PIK3C2A: variants seen among roughly 807,000 people sequenced by gnomAD.
PIK3C2A encodes phosphatidylinositol 4-phosphate 3-kinase C2 domain-containing subunit alpha.
In PIK3C2A, 97 loss-of-function variants were observed where a neutral mutation model predicts 204.5. That is an observed-to-expected ratio of 0.47 (90% CI 0.40 to 0.56). The LOEUF is 0.56. PIK3C2A is among the 20% of genes least tolerant of loss of function. The pLI is 0.00. For missense variants in PIK3C2A, 1,735 were observed against 1,969.2 expected (o/e 0.88, Z 2.25); for synonymous variants, 653 against 664.4 (o/e 0.98, Z 0.26).
intron 26 of PIK3C2A, among the ~76,000 whole-genome samples, chr11:17,098,556 A>G (rs1387269584): frequency 6.6e-6 from 1 of 152,224 alleles, no homozygotes; most frequent in East Asian, 1.9e-4. Flanking sequence ...AAGCAGGCAG[A>G]CGAATACATG....
At chr11:17,163,634 G>GA (rs1444752890) in intron 2 of PIK3C2A, among the ~76,000 whole-genome samples, 1 of 151,456 alleles carries the variant, frequency 6.6e-6, no homozygotes, top group Non-Finnish European at 1.5e-5. Flanking sequence ...GATTGGTCTC[G>GA]AATTCTTGGC....
intron 22 of PIK3C2A, among the ~76,000 whole-genome samples, chr11:17,106,377 G>C (rs193193243): frequency 6.6e-6 from 1 of 151,678 alleles, no homozygotes; most frequent in Non-Finnish European, 1.5e-5. Context: ...ACACCACTGC[G>C]CTCCAGCCTG....
At chr11:17,162,783 T>C (rs1850819909) in intron 2 of PIK3C2A, among the ~76,000 whole-genome samples, 1 of 152,204 alleles carries the variant, frequency 6.6e-6, no homozygotes, top group South Asian at 2.1e-4. Context: ...GATCTCTTCT[T>C]TGCTGAATTA....
chr11:17,143,898 C>T (rs961573483), intron 8 of PIK3C2A, among the ~76,000 whole-genome samples: 1 of 152,084 alleles, frequency 6.6e-6, no homozygotes, highest in Admixed American at 6.5e-5. Flanking sequence ...GATCACATCA[C>T]TGAATTCCAG....
At chr11:17,109,678 C>G (rs1341868807) in intron 22 of PIK3C2A, among the ~76,000 whole-genome samples, 4 of 152,048 alleles carry the variant, frequency 2.6e-5, no homozygotes, top group Non-Finnish European at 5.9e-5. Flanking sequence ...ATCCTCTCAC[C>G]CCATCCTCCA....
At chr11:17,148,404 A>C (rs923284849) in intron 5 of PIK3C2A, 1 of 361,040 alleles carries the variant, frequency 2.8e-6, no homozygotes, top group Non-Finnish European at 5.1e-6. Context: ...ATCACTTATT[A>C]ACCAACTGCC....
rs1298154545 is a variant in PIK3C2A at position 17,095,952 on chromosome 11, T to C, written c.4326+1105A>G. On this transcript the variant is annotated intron_variant, in intron 27 of 32. Transcript: ENST00000691414. ...TAAAATAAAATAACATAACATAAAA[T>C]AAAATAAAAATAAATAAAAAGTCAG... Among the ~76,000 whole-genome samples the C allele has an allele frequency of 4.7e-5, 7 of 150,304 alleles. No homozygotes were observed. In the East Asian group the frequency reaches 1.4e-3, roughly 29 times the overall value.
Position 17,122,029 on chromosome 11 carries a change from A to T in PIK3C2A, c.2657+159T>A, listed in dbSNP as rs77774534. Reference sequence around the variant, plus strand: ...CGAGACAAAAGTTTTGTAGATTATTAAAAAAAAAAAAAAGGAAAAAAAGTA... The same window carrying T: ...CGAGACAAAAGTTTTGTAGATTATTTAAAAAAAAAAAAAGGAAAAAAAGTA... On this transcript the variant is annotated intron_variant, in intron 15 of 32. Transcript: ENST00000691414. Among the ~76,000 whole-genome samples, 8 of 140,996 alleles carry T rather than the reference A, an allele frequency of 5.7e-5. No homozygotes were observed. In the South Asian group the frequency reaches 8.9e-4, roughly 16 times the overall value. The allele number at this position is 140,996 out of a possible 152,430, so 92.5% of individuals were successfully genotyped here. A position where few individuals can be genotyped will look rare whatever the true frequency, so the allele number is the denominator to read the frequency against.
chr11:17,114,702 A>G (rs986565723), intron 19 of PIK3C2A, among the ~76,000 whole-genome samples: 45 of 152,272 alleles, frequency 3.0e-4, no homozygotes, highest in African/African-American at 1.0e-3. Context: ...GCTCACTAAT[A>G]GTCAAAGAAA....
chr11:17,124,021 T>C (rs568905907), intron 13 of PIK3C2A, among the ~76,000 whole-genome samples: 5 of 152,012 alleles, frequency 3.3e-5, no homozygotes, highest in Non-Finnish European at 7.4e-5. Context: ...GAATCTTTGA[T>C]ACCTTATAAT....
chr11:17,190,805 A>C (rs1425471397), intron 1 of PIK3C2A, among the ~76,000 whole-genome samples: 1 of 152,128 alleles, frequency 6.6e-6, no homozygotes, highest in Non-Finnish European at 1.5e-5. Flanking sequence ...AGAGAAAAAG[A>C]GGGGGAAGGG....
chr11:17,147,981 G>A (rs919441723), intron 5 of PIK3C2A, among the ~76,000 whole-genome samples: 1 of 152,142 alleles, frequency 6.6e-6, no homozygotes, highest in Admixed American at 6.5e-5. Flanking sequence ...ACTTTGGGAG[G>A]CCGAGGCGGG....
rs368485641 is a variant in PIK3C2A, at chr11:17,198,745, T to C, written c.-66+9103A>G. Among the ~76,000 whole-genome samples the C allele has an allele frequency of 6.6e-5, 10 of 152,026 alleles. No individual in the cohort carries two copies. In the East Asian group the frequency reaches 7.8e-4, roughly 12 times the overall value. The stretch of plus-strand genomic sequence containing the variant: ...AGGTCAAGGCTATACTGCATTACGA[T>C]TGTCTCTGCGAATAGCCATTGTATC... On this transcript the variant is annotated intron_variant, in intron 1 of 32. Coordinates refer to ENST00000691414, the MANE Select transcript of PIK3C2A (RefSeq NM_002645.4).
intron 13 of PIK3C2A, among the ~76,000 whole-genome samples, chr11:17,127,778 G>A (rs1192031179): frequency 6.6e-6 from 1 of 152,010 alleles, no homozygotes; most frequent in African/African-American, 2.4e-5. Flanking sequence ...TTCATTCTCG[G>A]TATTTGTTTT....
Position 17,169,535 on chromosome 11 carries a change from G to T in PIK3C2A, c.207C>A (p.Asn69Lys). 1 of 1,614,058 alleles carries T rather than the reference G, an allele frequency of 6.2e-7. No homozygotes were observed. Among genetic ancestry groups the T allele is most frequent in the Non-Finnish European group, 8.5e-7 (1 of 1,179,982 alleles). Residue 69 changes from asparagine to lysine, a missense_variant, in exon 2 of 33, where the codon AAC becomes AAA. Physicochemically the swap from Asn to Lys is moderately conservative, Grantham distance 94. Coordinates refer to ENST00000691414, the MANE Select transcript of PIK3C2A (RefSeq NM_002645.4). Reference sequence around the variant, plus strand: ...ACACCATGAGATCATAATCCTGCTTGTTATAAACCTGTGCTTTTTTTCTGG... The same window carrying T: ...ACACCATGAGATCATAATCCTGCTTTTTATAAACCTGTGCTTTTTTTCTGG... ...SSTRKKAQVY[N>K]KQDYDLMVFP... is the part of the protein sequence containing the mutation.
rs1052392220 is a variant in PIK3C2A at position 17,206,514 on chromosome 11, TA to T, written c.-66+1333del. ...TGTCCAGATAAGGTTAGATCAAATT[TA>T]AAAAAAAAAAAAGCACCATTCTGCT... On this transcript the variant is annotated intron_variant, in intron 1 of 32. Transcript: ENST00000691414. 2.8e-3 allele frequency among the ~76,000 whole-genome samples: 369 copies of T among 133,536 alleles called. 2 individuals carry two copies. Among genetic ancestry groups the T allele is most frequent in the Admixed American group, 5.3e-3 (70 of 13,206 alleles). 87.6% of individuals were successfully genotyped at this position (133,536 alleles called of 152,430 possible). A position where few individuals can be genotyped will look rare whatever the true frequency, so the allele number is the denominator to read the frequency against.
intron 1 of PIK3C2A, among the ~76,000 whole-genome samples, chr11:17,175,885 T>G (rs934227022): frequency 5.7e-4 from 87 of 152,246 alleles, no homozygotes; most frequent in African/African-American, 2.0e-3. Context: ...ATCTTAAAAT[T>G]TCAAGACAAC....
rs780960665 is a variant in PIK3C2A, at chr11:17,169,051, C to T, written c.691G>A (p.Ala231Thr). Residue 231 changes from alanine (A) to threonine (T), a missense_variant, in exon 2 of 33, where the codon GCT (alanine) becomes ACT (threonine). Physicochemically the swap from Ala to Thr is moderately conservative, Grantham distance 58 (BLOSUM62 0). Coordinates refer to ENST00000691414, the MANE Select transcript of PIK3C2A (RefSeq NM_002645.4). ...TDMAKLFDKI[A>T]STSEFLKNGK... ...TTTTTTAAAAATTCTGATGTACTAG[C>T]TATTTTGTCAAATAGTTTTGCCATG... 2 of 1,613,882 alleles carry T rather than the reference C, an allele frequency of 1.2e-6. No homozygotes were observed. The highest frequency in any genetic ancestry group is 1.7e-6 in the Non-Finnish European group (2 of 1,179,976).
At chr11:17,158,589 C>A (rs71469371) in intron 2 of PIK3C2A, among the ~76,000 whole-genome samples, 9,607 of 151,836 alleles carry the variant, frequency 0.063, 433 homozygotes, top group South Asian at 0.12. Flanking sequence ...AATCACCATG[C>A]TAATCTGTCT....
Sources: gnomAD v4.1 joint callset for allele counts (sites outside exome capture counted in the v4.1 genomes callset) on GRCh38, gnomAD v4.1.1 for gene constraint, MANE v1.5 for transcripts, NCBI Gene and HGNC (gene_info 2026-07-23, HGNC 2026-07-21) for gene names.